CTSB: variants seen among roughly 807,000 people sequenced by gnomAD.
CTSB encodes APP secretase.
In CTSB, 57 loss-of-function variants were observed where a neutral mutation model predicts 44.3. That is an observed-to-expected ratio of 1.29 (90% confidence interval 1.04 to 1.60). The LOEUF is 1.60. CTSB is among the 40% of genes most tolerant of loss of function. CTSB has a pLI of 0.00. For synonymous variants in CTSB, 320 were observed against 168.0 expected, an observed-to-expected ratio of 1.91 and a Z score of -7.00; for missense variants, 768 against 443.0, an observed-to-expected ratio of 1.73 and a Z score of -6.59.
chr8:11,861,382 C>A (rs2150443587), intron 1 of CTSB: 1 of 152,650 alleles, frequency 6.6e-6, no homozygotes, highest in East Asian at 1.9e-4. Context: ...TGGCCACTCA[C>A]AGGTCCTTCC....
intron 1 of CTSB, chr8:11,867,788 T>A (rs2150471054): frequency 6.6e-6 from 1 of 152,234 alleles, no homozygotes; most frequent in East Asian, 1.9e-4. Context: ...TTTCTGCTTT[T>A]CTCGCCGACG....
intron 2 of CTSB, 25 bp from the exon 3 acceptor site, chr8:11,852,720 G>C: frequency 6.2e-7 from 1 of 1,607,414 alleles, no homozygotes; most frequent in Non-Finnish European, 8.5e-7. Context: ...CCCACTGACT[G>C]AAGGGTCTCC....
At chr8:11,857,624 T>C (rs1462550965) in intron 1 of CTSB, among the ~76,000 whole-genome samples, 8 of 152,202 alleles carry the variant, frequency 5.3e-5, no homozygotes, top group Admixed American at 4.6e-4. Flanking sequence ...TCTCAACTCC[T>C]GGAGGACAAC....
chr8:11,846,877 G>T, intron 8 of CTSB, among the ~76,000 whole-genome samples, 175 bp downstream of exon 8: 1 of 152,124 alleles, frequency 6.6e-6, no homozygotes, highest in Non-Finnish European at 1.5e-5. Flanking sequence ...AAGACAGTCA[G>T]GTGCCAGGCT....
rs535463756 is a variant in CTSB at position 11,852,528 on chromosome 8, G to C, written c.212+82C>G. On this transcript the variant is annotated intron_variant, in intron 3 of 9. Coordinates refer to ENST00000353047, the MANE Select transcript of CTSB (RefSeq NM_001908.5). ...GCATGAGCCCTGCGGACGCCAGAGA[G>C]GCCTTCACTCTCCCACTTCCCACTG... The C allele has an allele frequency of 3.1e-4, 338 of 1,099,120 alleles. 2 individuals carry two copies. In the African/African-American group the frequency reaches 4.7e-3, roughly 15 times the overall value. 68.1% of individuals were successfully genotyped at this position (1,099,120 alleles called of 1,614,324 possible). A position where few individuals can be genotyped will look rare whatever the true frequency, so the allele number is the denominator to read the frequency against.
intron 3 of CTSB, among the ~76,000 whole-genome samples, chr8:11,851,815 C>T (rs1014369294): frequency 3.0e-4 from 45 of 151,928 alleles, no homozygotes; most frequent in African/African-American, 8.0e-4. Context: ...TACAGGCGCC[C>T]GCCACCACGC....
chr8:11,855,349 A>G (rs1157649376), intron 1 of CTSB, among the ~76,000 whole-genome samples: 3 of 152,212 alleles, frequency 2.0e-5, no homozygotes, highest in Non-Finnish European at 4.4e-5. Context: ...AGTTTTATGA[A>G]AAAAATCAAT....
intron 1 of CTSB, among the ~76,000 whole-genome samples, chr8:11,866,817 G>C (rs1817219780): frequency 6.6e-6 from 1 of 152,194 alleles, no homozygotes; most frequent in Admixed American, 6.5e-5. Flanking sequence ...CCGAGATCGC[G>C]CCACTGTGCT....
chr8:11,848,370 G>C, intron 5 of CTSB: 3 of 666,904 alleles, frequency 4.5e-6, no homozygotes, highest in Non-Finnish European at 8.3e-6. Flanking sequence ...TGCCCACAAA[G>C]ATCCGGGAGA....
chr8:11,867,595 C>G (rs1344393271), intron 1 of CTSB: 3 of 152,238 alleles, frequency 2.0e-5, no homozygotes, highest in Non-Finnish European at 4.4e-5. Context: ...CAGTTTGGCC[C>G]GGAGACACCG....
chr8:11,848,236 G>C, intron 5 of CTSB, 84 bp from the exon 6 acceptor site: 3 of 1,259,052 alleles, frequency 2.4e-6, no homozygotes, highest in African/African-American at 1.5e-5. Context: ...AGTGCCCGAG[G>C]CCACTCGTGG....
rs536629716 is a variant in CTSB at position 11,844,170 on chromosome 8, T to G, written c.*955A>C. ...GGGAGGGATGCCATGGTTGAAAACA[T>G]GGCTGGGGCAGCGAGAAGTTAAGAT... On this transcript the variant is annotated 3_prime_UTR_variant, in exon 10 of 10. Coordinates refer to ENST00000353047, the MANE Select transcript of CTSB (RefSeq NM_001908.5). 1.3e-5 allele frequency: 2 copies of G among 152,358 alleles called. No individual in the cohort carries two copies. Among genetic ancestry groups the G allele is most frequent in the Admixed American group, 6.5e-5 (1 of 15,304 alleles). The allele number at this position is 152,358 out of a possible 1,614,324, so 9.4% of individuals were successfully genotyped here. A position where few individuals can be genotyped will look rare whatever the true frequency, so the allele number is the denominator to read the frequency against.
At chr8:11,855,632 C>T (rs1261615133) in intron 1 of CTSB, among the ~76,000 whole-genome samples, 4 of 152,206 alleles carry the variant, frequency 2.6e-5, no homozygotes, top group African/African-American at 9.7e-5. Flanking sequence ...GCAGTACTCA[C>T]ATATACTTTA....
Position 11,844,121 on chromosome 8 carries a change from C to G in CTSB, c.*1004G>C, listed in dbSNP as rs537682632. 10 of 152,288 alleles carry G rather than the reference C, an allele frequency of 6.6e-5. No individual in the cohort carries two copies. The East Asian group carries it at 1.2e-3, about 18-fold the overall frequency. 9.4% of individuals were successfully genotyped at this position (152,288 alleles called of 1,614,324 possible). ...ACCAGGCACTTACAGAGAAGGTTGA[C>G]GAGGATGACAGGGAACTAATTGGGG... On this transcript the variant is annotated 3_prime_UTR_variant, in exon 10 of 10. Transcript: ENST00000353047.
At chr8:11,855,904 G>A (rs965890922) in intron 1 of CTSB, among the ~76,000 whole-genome samples, 6 of 152,108 alleles carry the variant, frequency 3.9e-5, no homozygotes, top group South Asian at 2.1e-4. Context: ...TGTAATCGCA[G>A]CTACTTGGGA....
intron 2 of CTSB, among the ~76,000 whole-genome samples, chr8:11,852,997 GGACT>G (rs1814870500): frequency 6.6e-6 from 1 of 152,154 alleles, no homozygotes; most frequent in Admixed American, 6.5e-5. Context: ...ATCAGGGGCG[GGACT>G]GATAAACTGC....
chr8:11,850,545 A>T (rs1814397786), intron 4 of CTSB: 2 of 220,388 alleles, frequency 9.1e-6, no homozygotes, highest in Non-Finnish European at 1.8e-5. Flanking sequence ...ACTGACACTA[A>T]AGGGATGCTT....
At chr8:11,848,991 TG>T (rs1813992985) in intron 5 of CTSB, 54 bp downstream of exon 5, 4 of 1,351,476 alleles carry the variant, frequency 3.0e-6, no homozygotes, top group African/African-American at 1.4e-5. Context: ...ACTGAGAAGC[TG>T]GGGCCCAGGG....
Position 11,844,378 on chromosome 8 carries a change from C to G in CTSB, c.*747G>C, listed in dbSNP as rs1812833992. 1.3e-5 allele frequency: 2 copies of G among 152,018 alleles called. No individual in the cohort carries two copies. Among genetic ancestry groups the G allele is most frequent in the African/African-American group, 4.8e-5 (2 of 41,400 alleles). 9.4% of individuals were successfully genotyped at this position (152,018 alleles called of 1,614,324 possible). On this transcript the variant is annotated 3_prime_UTR_variant, in exon 10 of 10. Transcript: ENST00000353047. The stretch of plus-strand genomic sequence containing the variant: ...TCCTTGTTAACTTGACAGGGTGAAG[C>G]TGTAATTTTTCAAAAACAGTAAAAG...
Sources: allele counts gnomAD v4.1 joint callset (sites outside exome capture counted in the v4.1 genomes callset), GRCh38; gene constraint gnomAD v4.1.1; transcripts MANE v1.5; gene names NCBI Gene and HGNC (gene_info 2026-07-23, HGNC 2026-07-21).